Variants in GLOD5 observed in about 807,000 individuals in gnomAD.
The protein encoded by GLOD5 is glyoxalase domain containing 5.
In GLOD5, 7 loss-of-function variants were observed where a neutral mutation model predicts 9.9. That is an observed-to-expected ratio of 0.71 (90% CI 0.40 to 1.33). The LOEUF (loss-of-function observed/expected upper bound fraction) is 1.33, where lower values mean the gene tolerates loss of function less well. GLOD5 is among the 40% of genes most tolerant of loss of function. The pLI, the probability that GLOD5 is intolerant of heterozygous loss-of-function variation, is 0.01. For synonymous variants in GLOD5, 49 were observed against 47.3 expected (o/e 1.04, Z -0.14); for missense variants, 146 against 128.4 (o/e 1.14, Z -0.66).
At chrX:48,768,871 A>C (rs1354094384) in intron 2 of GLOD5, among the ~76,000 whole-genome samples, 2 of 109,714 alleles carry the variant, frequency 1.8e-5, no homozygotes, top group African/African-American at 6.6e-5. Flanking sequence ...CTCTACTAAA[A>C]CTACAAAAAT....
chrX:48,762,252 G>A (rs1293317139), intron 1 of GLOD5: 1 of 132,462 alleles, frequency 7.5e-6, no homozygotes, highest in Non-Finnish European at 1.5e-5. Context: ...GGACCTTGAA[G>A]AGGACCCTGT....
At chrX:48,772,015 T>A (rs1378504992) in intron 3 of GLOD5, among the ~76,000 whole-genome samples, 1 of 110,809 alleles carries the variant, frequency 9.0e-6, no homozygotes, top group African/African-American at 3.3e-5. Flanking sequence ...GGTGGCAGGA[T>A]CATTTGGGCC....
At chrX:48,766,719 C>G (rs140691931) in intron 2 of GLOD5, among the ~76,000 whole-genome samples, 1 of 108,864 alleles carries the variant, frequency 9.2e-6, no homozygotes, top group African/African-American at 3.3e-5. Flanking sequence ...CTACAGCACT[C>G]TAGTCTGAGT....
chrX:48,772,573 T>C (rs1487819329), intron 3 of GLOD5, among the ~76,000 whole-genome samples: 1 of 110,952 alleles, frequency 9.0e-6, no homozygotes. Flanking sequence ...TTAGTTTCCC[T>C]TTTGCAGAAC....
chrX:48,771,282 C>A (rs782656837), intron 3 of GLOD5, among the ~76,000 whole-genome samples, 200 bp downstream of exon 3: 1 of 110,135 alleles, frequency 9.1e-6, no homozygotes. Flanking sequence ...AACAAACAAA[C>A]AAACAAACAA....
Position 48,770,945 on chromosome X carries a change from T to A in GLOD5, c.220T>A (p.Cys74Ser). 8.4e-7 allele frequency: 1 copy of A among 1,195,090 alleles called. No individual in the cohort carries two copies. The highest frequency in any genetic ancestry group is 2.3e-4 in the Middle Eastern group (1 of 4,291). ...MTFKEDRKAL[C>S]FGDQKFNLHE... Reference sequence around the variant, plus strand: ...CAAGTAGGAAGACCGGAAAGCACTGTGTTTTGGAGACCAGAAATTTAACCT... The same window carrying A: ...CAAGTAGGAAGACCGGAAAGCACTGAGTTTTGGAGACCAGAAATTTAACCT... The change falls in exon 3 of 4, where the codon TGT becomes AGT. Residue 74 changes from cysteine (C) to serine (S), a missense_variant. Coordinates refer to ENST00000303227, the MANE Select transcript of GLOD5 (RefSeq NM_001080489.3).
chrX:48,765,540 T>C (rs1370728697), intron 1 of GLOD5: 6 of 290,845 alleles, frequency 2.1e-5, no homozygotes, highest in Non-Finnish European at 3.7e-5. Context: ...ATTGTGCCAC[T>C]GCACTCCAGC....
chrX:48,766,688 T>C (rs1348038939), intron 2 of GLOD5, among the ~76,000 whole-genome samples: 2 of 109,470 alleles, frequency 1.8e-5, no homozygotes, highest in Admixed American at 2.0e-4. Context: ...GAGGCAGAGG[T>C]TGCAGTGAGC....
At chrX:48,763,252 T>C (rs1216474739) in intron 1 of GLOD5, among the ~76,000 whole-genome samples, 1 of 112,180 alleles carries the variant, frequency 8.9e-6, no homozygotes, top group Non-Finnish European at 1.9e-5. Context: ...GCCAACAATG[T>C]TAAAAGTTGA....
At chrX:48,766,139 T>C (rs1001054983) in intron 2 of GLOD5, 167 bp downstream of exon 2, 10 of 457,996 alleles carry the variant, frequency 2.2e-5, no homozygotes, top group Non-Finnish European at 3.3e-5. Context: ...AGAGAGAGAA[T>C]GGAGAAAAAA....
chrX:48,767,005 AC>A (rs1569497624), intron 2 of GLOD5, among the ~76,000 whole-genome samples: 1 of 87,222 alleles, frequency 1.1e-5, no homozygotes, highest in African/African-American at 4.1e-5. Flanking sequence ...AAAAAAAAAA[AC>A]CAACATTGGA....
intron 1 of GLOD5, among the ~76,000 whole-genome samples, chrX:48,763,104 TA>T: frequency 9.0e-6 from 1 of 111,312 alleles, no homozygotes; most frequent in Non-Finnish European, 1.9e-5. Flanking sequence ...ATCAGAAAAG[TA>T]GAAAAGTTGA....
At chrX:48,763,840 C>A (rs782105451) in intron 1 of GLOD5, among the ~76,000 whole-genome samples, 1 of 112,699 alleles carries the variant, frequency 8.9e-6, no homozygotes, top group South Asian at 3.7e-4. Flanking sequence ...CAAAACTCAG[C>A]AACTTTGCTA....
At chrX:48,770,138 G>A (rs2062618694) in intron 2 of GLOD5, among the ~76,000 whole-genome samples, 1 of 110,170 alleles carries the variant, frequency 9.1e-6, no homozygotes, top group Non-Finnish European at 1.9e-5. Flanking sequence ...AGCTGGGCAT[G>A]GTGGCGTGTG....
At chrX:48,772,372 C>G (rs956195774) in intron 3 of GLOD5, among the ~76,000 whole-genome samples, 1 of 110,370 alleles carries the variant, frequency 9.1e-6, no homozygotes, top group East Asian at 2.9e-4. Context: ...CCTGTGTCTA[C>G]ATAAAATACA....
In GLOD5 at chrX:48,772,922, T is replaced by C. The variant is rs782682465; in HGVS notation, c.358-388T>C. ...AAAGATACAGCGGTGTTCTAAGGTCTTCTAGGCCACTATAAGGAATTAAAT... is the reference window on the plus strand; with the variant it reads ...AAAGATACAGCGGTGTTCTAAGGTCCTCTAGGCCACTATAAGGAATTAAAT... On this transcript the variant is annotated intron_variant, in intron 3 of 3. Coordinates refer to ENST00000303227, the MANE Select transcript of GLOD5 (RefSeq NM_001080489.3). 1.8e-3 allele frequency among the ~76,000 whole-genome samples: 195 copies of C among 110,745 alleles called. 1 individual carries two copies. Among genetic ancestry groups the C allele is most frequent in the African/African-American group, 6.2e-3 (189 of 30,488 alleles).
At chrX:48,764,100 A>C (rs2062603133) in intron 1 of GLOD5, among the ~76,000 whole-genome samples, 1 of 112,831 alleles carries the variant, frequency 8.9e-6, no homozygotes, top group Non-Finnish European at 1.9e-5. Flanking sequence ...TTTATTGAAC[A>C]AATATGATTG....
At chrX:48,769,386 C>G (rs1017203043) in intron 2 of GLOD5, among the ~76,000 whole-genome samples, 1 of 104,072 alleles carries the variant, frequency 9.6e-6, no homozygotes, top group Non-Finnish European at 2.0e-5. Flanking sequence ...CGTGGTGGTG[C>G]GCACCTATAA....
intron 2 of GLOD5, among the ~76,000 whole-genome samples, chrX:48,767,187 A>G (rs1367168515): frequency 9.3e-6 from 1 of 107,301 alleles, no homozygotes; most frequent in Non-Finnish European, 1.9e-5. Flanking sequence ...CCAGAGATTG[A>G]ACTACCCTTG....
Sources: allele counts gnomAD v4.1 joint callset (sites outside exome capture counted in the v4.1 genomes callset), GRCh38; gene constraint gnomAD v4.1.1; transcripts MANE v1.5; gene names NCBI Gene and HGNC (gene_info 2026-07-23, HGNC 2026-07-21).